The following ARHGAP26 variants were observed in gnomAD, a reference collection of about 807,000 sequenced individuals.
The protein encoded by ARHGAP26 is Rho GTPase activating protein 26.
Under a neutral mutation model 104.8 loss-of-function variants are expected in ARHGAP26, and 38 were observed. That is an observed-to-expected ratio of 0.36 (90% CI 0.28 to 0.48). ARHGAP26 has a LOEUF of 0.48. Among genes scored for constraint, ARHGAP26 ranks in the 20% least tolerant of loss-of-function variants. The pLI is 0.99. For synonymous variants in ARHGAP26, 341 were observed against 340.0 expected (o/e 1.00, Z -0.03); for missense variants, 704 against 947.9 (o/e 0.74, Z 3.38).
intron 20 of ARHGAP26, 138 bp from the exon 21 acceptor site, chr5:143,207,060 G>A (rs974586029): frequency 2.1e-6 from 2 of 949,520 alleles, no homozygotes; most frequent in Admixed American, 2.5e-5. Context: ...ATGTGACATG[G>A]CCCTGACAGC....
chr5:142,803,637 T>C (rs1186329189), intron 1 of ARHGAP26, among the ~76,000 whole-genome samples: 1 of 152,170 alleles, frequency 6.6e-6, no homozygotes, highest in Non-Finnish European at 1.5e-5. Context: ...AAGGAGGATG[T>C]TGGGAATGGA....
chr5:142,964,227 G>A (rs1361861451), intron 11 of ARHGAP26, among the ~76,000 whole-genome samples: 1 of 152,134 alleles, frequency 6.6e-6, no homozygotes. Context: ...AAAAAGATAA[G>A]CATGAAATGT....
In ARHGAP26 at chr5:142,928,943, T is replaced by C. The variant is rs117922592; in HGVS notation, c.1029-3104T>C. On this transcript the variant is annotated intron_variant, in intron 10 of 22. Transcript: ENST00000645722. ...CTTCCTCATTCCATATTATCCTCCT[T>C]CTTTTTTTATTTTGAGACGGAGTCT... Among the ~76,000 whole-genome samples, 1,145 of 152,314 alleles carry C rather than the reference T, an allele frequency of 7.5e-3. 15 individuals carry two copies. Among genetic ancestry groups the C allele is most frequent in the East Asian group, 0.044 (226 of 5,178 alleles).
chr5:142,968,126 T>C (rs1241895058), intron 11 of ARHGAP26, among the ~76,000 whole-genome samples: 1 of 152,194 alleles, frequency 6.6e-6, no homozygotes, highest in Non-Finnish European at 1.5e-5. Context: ...CATCATCCCT[T>C]TTATTATTAG....
At chr5:142,825,518 T>C (rs1408962998) in intron 1 of ARHGAP26, among the ~76,000 whole-genome samples, 2 of 152,220 alleles carry the variant, frequency 1.3e-5, no homozygotes, top group African/African-American at 4.8e-5. Flanking sequence ...CAGCCTCTCC[T>C]TGGGGACTGC....
intron 18 of ARHGAP26, among the ~76,000 whole-genome samples, chr5:143,123,631 C>T (rs1293347113): frequency 6.6e-6 from 1 of 152,158 alleles, no homozygotes; most frequent in Non-Finnish European, 1.5e-5. Context: ...GTGGGAGGAT[C>T]ATTTGAAGCC....
intron 22 of ARHGAP26, among the ~76,000 whole-genome samples, chr5:143,217,646 G>C (rs914502709): frequency 6.6e-6 from 1 of 152,174 alleles, no homozygotes; most frequent in African/African-American, 2.4e-5. Context: ...ACATCCTCAT[G>C]GGGGAGCCCC....
intron 21 of ARHGAP26, among the ~76,000 whole-genome samples, chr5:143,210,848 C>G (rs1809348437): frequency 6.6e-6 from 1 of 152,078 alleles, no homozygotes; most frequent in African/African-American, 2.4e-5. Flanking sequence ...CAGGAGGATC[C>G]CAACTTGTTC....
intron 11 of ARHGAP26, among the ~76,000 whole-genome samples, chr5:142,977,544 C>T (rs1349219992): frequency 6.6e-6 from 1 of 151,976 alleles, no homozygotes; most frequent in African/African-American, 2.4e-5. Context: ...TGTTTTTTTC[C>T]CCCTGCTGGA....
intron 9 of ARHGAP26, among the ~76,000 whole-genome samples, chr5:142,911,478 A>G (rs1343964594): frequency 2.0e-5 from 3 of 152,172 alleles, no homozygotes; most frequent in Admixed American, 1.3e-4. Context: ...CTTCCTGACC[A>G]GGTCAGATCT....
chr5:142,823,080 A>AG (rs1222170824), intron 1 of ARHGAP26, among the ~76,000 whole-genome samples: 2 of 152,374 alleles, frequency 1.3e-5, no homozygotes, highest in South Asian at 4.1e-4. Context: ...TTATAGGGCA[A>AG]GGGGCATCAC....
intron 1 of ARHGAP26, among the ~76,000 whole-genome samples, chr5:142,795,624 A>G (rs1393225318): frequency 6.6e-6 from 1 of 152,184 alleles, no homozygotes. Context: ...CCAGCCCCAA[A>G]TTCCCTCCGT....
chr5:143,142,035 C>T (rs943979147), intron 19 of ARHGAP26, among the ~76,000 whole-genome samples: 1 of 151,616 alleles, frequency 6.6e-6, no homozygotes, highest in Admixed American at 6.6e-5. Flanking sequence ...CCACACAGAA[C>T]CAAAATCAGA....
intron 22 of ARHGAP26, among the ~76,000 whole-genome samples, chr5:143,221,924 G>GGAAGGAAA (rs1033482143): frequency 3.3e-5 from 1 of 30,100 alleles, no homozygotes; most frequent in Non-Finnish European, 6.0e-5. Context: ...GTGGATGGAT[G>GGAAGGAAA]GAAGGAAGGA....
chr5:143,222,334 G>C (rs541646685), intron 22 of ARHGAP26, 24 bp from the exon 23 acceptor site: 1 of 1,514,592 alleles, frequency 6.6e-7, no homozygotes, highest in Non-Finnish European at 8.9e-7. Flanking sequence ...ATCTCTTCTC[G>C]CTTTCTCTCC....
At position 143,121,164 on chromosome 5, in the gene ARHGAP26, C is replaced by T. The variant is rs561159779; in HGVS notation, c.1698+17C>T. 35 of 1,607,366 alleles carry T rather than the reference C, an allele frequency of 2.2e-5. No homozygotes were observed. The South Asian group carries it at 3.7e-4, about 17-fold the overall frequency. ...CACGAAAAGGTAATATGTAATTGAT[C>T]ACTTGCAGTGAAGAATGTACCTGGG... On this transcript the variant is annotated intron_variant, in intron 18 of 22. Transcript: ENST00000645722.
At chr5:142,917,947 A>G (rs904397235) in intron 10 of ARHGAP26, among the ~76,000 whole-genome samples, 40 of 151,948 alleles carry the variant, frequency 2.6e-4, no homozygotes, top group Non-Finnish European at 4.9e-4. Flanking sequence ...TTTTCATTGT[A>G]TCACAATACA....
intron 20 of ARHGAP26, among the ~76,000 whole-genome samples, chr5:143,179,553 C>A (rs539258900): frequency 6.6e-6 from 1 of 152,296 alleles, no homozygotes; most frequent in Admixed American, 6.5e-5. Context: ...GGGCATCTTC[C>A]CCACACCTGG....
At chr5:142,978,958 A>C (rs1773529891) in intron 11 of ARHGAP26, among the ~76,000 whole-genome samples, 1 of 152,216 alleles carries the variant, frequency 6.6e-6, no homozygotes, top group African/African-American at 2.4e-5. Context: ...GGGTAAAGGA[A>C]AAAGGAGGCG....
Sources: allele counts gnomAD v4.1 joint callset (sites outside exome capture counted in the v4.1 genomes callset), GRCh38; gene constraint gnomAD v4.1.1; transcripts MANE v1.5; gene names NCBI Gene and HGNC (gene_info 2026-07-23, HGNC 2026-07-21).